The following VWA8 variants were observed in gnomAD, a reference collection of about 807,000 sequenced individuals.
VWA8 encodes von Willebrand factor A domain containing 8.
In VWA8, 221 loss-of-function variants were observed where a neutral mutation model predicts 241.5. The ratio of observed to expected loss-of-function variants is 0.91; its 90% CI spans 0.82 to 1.02. The LOEUF is 1.02. VWA8 is among the 50% of genes least tolerant of loss of function. The pLI, the probability that VWA8 is intolerant of heterozygous loss-of-function variation, is 0.00. For missense variants in VWA8, 2,322 were observed against 2,328.7 expected (o/e 1.00, Z 0.06); for synonymous variants, 852 against 827.1 (o/e 1.03, Z -0.52).
intron 42 of VWA8, among the ~76,000 whole-genome samples, chr13:41,586,591 A>G (rs966606017): frequency 2.6e-5 from 4 of 152,092 alleles, no homozygotes; most frequent in African/African-American, 9.7e-5. Flanking sequence ...AATAGGCCTA[A>G]AGTACCTGAA....
intron 4 of VWA8, among the ~76,000 whole-genome samples, chr13:41,896,399 C>A (rs561625418): frequency 6.6e-6 from 1 of 152,044 alleles, no homozygotes; most frequent in East Asian, 1.9e-4. Flanking sequence ...TCATATGTGA[C>A]TTTTTGAAAA....
At chr13:41,925,793 TGAG>T (rs960900595) in intron 2 of VWA8, 2 of 255,930 alleles carry the variant, frequency 7.8e-6, no homozygotes, top group African/African-American at 2.3e-5. Context: ...GTGTGGGTAC[TGAG>T]GAGAAGAGCC....
rs1017543122 is a variant in VWA8 at position 41,567,206 on chromosome 13, A to G, written c.*991T>C. On this transcript the variant is annotated 3_prime_UTR_variant, in exon 45 of 45. Transcript: ENST00000379310. Reference sequence around the variant, plus strand: ...CCAAGAGTGTGTGGGAATAAGGTACATTTTGAAAGAAAAGAGAATGAGGCT... The same window carrying G: ...CCAAGAGTGTGTGGGAATAAGGTACGTTTTGAAAGAAAAGAGAATGAGGCT... 1.3e-5 allele frequency: 2 copies of G among 152,186 alleles called. No individual in the cohort carries two copies. The highest frequency in any genetic ancestry group is 2.4e-5 in the African/African-American group (1 of 41,462). The allele number at this position is 152,186 out of a possible 1,614,324, so 9.4% of individuals were successfully genotyped here.
intron 2 of VWA8, among the ~76,000 whole-genome samples, chr13:41,935,940 C>A (rs1043684375): frequency 3.9e-5 from 6 of 152,056 alleles, no homozygotes; most frequent in Non-Finnish European, 7.4e-5. Context: ...ACGGCTCCTC[C>A]ACTGATAGAC....
intron 37 of VWA8, among the ~76,000 whole-genome samples, chr13:41,622,808 C>T (rs1236429061): frequency 2.6e-5 from 4 of 152,156 alleles, no homozygotes; most frequent in African/African-American, 9.7e-5. Context: ...CTTTTAAAAG[C>T]CATCAATAAA....
chr13:41,779,438 C>T lies in VWA8; in HGVS notation c.2278-1382G>A, dbSNP rs1868788926. 5.3e-5 allele frequency among the ~76,000 whole-genome samples: 8 copies of T among 151,834 alleles called. No homozygotes were observed. In the South Asian group the frequency reaches 1.7e-3, roughly 32 times the overall value. On this transcript the variant is annotated intron_variant, in intron 19 of 44. Coordinates refer to ENST00000379310, the MANE Select transcript of VWA8 (RefSeq NM_015058.2). The stretch of plus-strand genomic sequence containing the variant: ...TTTTCAAAAATGCTTTCAGATATGC[C>T]ATGGAGCTAGAGTTTTAATAAGGCT...
chr13:41,729,764 AGCTGG>A (rs2045466721), intron 22 of VWA8, 87 bp from the exon 23 acceptor site: 7 of 1,374,046 alleles, frequency 5.1e-6, no homozygotes, highest in African/African-American at 1.5e-5. Context: ...GACTTATAAC[AGCTGG>A]CTTTATTTAA....
In VWA8 at chr13:41,853,415, C is replaced by T. The variant is rs1872604015; in HGVS notation, c.1425+12321G>A. ...CAAAACGAGTCTGAAAGTATTCCCTCTTTTTCTATTTTTTTAAAAAGTTTG... is the reference window on the plus strand; with the variant it reads ...CAAAACGAGTCTGAAAGTATTCCCTTTTTTTCTATTTTTTTAAAAAGTTTG... On this transcript the variant is annotated intron_variant, in intron 12 of 44. Transcript: ENST00000379310. Among the ~76,000 whole-genome samples the T allele has an allele frequency of 8.5e-5, 13 of 152,192 alleles. No homozygotes were observed. The South Asian group carries it at 2.5e-3, about 29-fold the overall frequency.
chr13:41,595,476 T>C (rs1443022981), intron 40 of VWA8, among the ~76,000 whole-genome samples: 1 of 152,200 alleles, frequency 6.6e-6, no homozygotes, highest in Non-Finnish European at 1.5e-5. Context: ...ACAATCTTAA[T>C]CATCCACACC....
chr13:41,804,226 A>G (rs1464554955), intron 17 of VWA8, among the ~76,000 whole-genome samples: 1 of 152,220 alleles, frequency 6.6e-6, no homozygotes, highest in Admixed American at 6.5e-5. Flanking sequence ...CTCAAAAAAG[A>G]CAACCTCAAG....
chr13:41,803,690 A>G (rs999036136), intron 17 of VWA8, among the ~76,000 whole-genome samples: 1 of 152,232 alleles, frequency 6.6e-6, no homozygotes, highest in African/African-American at 2.4e-5. Flanking sequence ...CTACAATTCA[A>G]GATGAGATTT....
rs2045051815 is a variant in VWA8 at position 41,675,212 on chromosome 13, T to C, written c.4409+3A>G. ...AGCTAAGAACAAAGGTGAAATGGAT[T>C]ACCTGGGAATAGGGATATATCGGAG... On this transcript the variant is annotated splice_donor_region_variant and intron_variant, in intron 36 of 44. Coordinates refer to ENST00000379310, the MANE Select transcript of VWA8 (RefSeq NM_015058.2). 1 of 1,605,204 alleles carries C rather than the reference T, an allele frequency of 6.2e-7. No individual in the cohort carries two copies. The highest frequency in any genetic ancestry group is 8.5e-7 in the Non-Finnish European group (1 of 1,172,784).
intron 20 of VWA8, among the ~76,000 whole-genome samples, chr13:41,772,930 T>C (rs1396387352): frequency 3.3e-5 from 5 of 152,200 alleles, no homozygotes; most frequent in Non-Finnish European, 7.4e-5. Flanking sequence ...AATTTCCTCA[T>C]TGTAAAAGTT....
At position 41,590,734 on chromosome 13, in the gene VWA8, T is replaced by C. The variant is rs1341513042; in HGVS notation, c.5018A>G (p.His1673Arg). 4 of 1,614,034 alleles carry C rather than the reference T, an allele frequency of 2.5e-6. No homozygotes were observed. The highest frequency in any genetic ancestry group is 3.4e-6 in the Non-Finnish European group (4 of 1,180,026). Residue 1673 changes from histidine to arginine, a missense_variant, in exon 41 of 45, where the codon CAT (histidine) becomes CGT (arginine). Physicochemically the swap from His to Arg is conservative, Grantham distance 29. Coordinates refer to ENST00000379310, the MANE Select transcript of VWA8 (RefSeq NM_015058.2). ...ATCATCTAATTCTCCAGTAGCTTGA[T>C]GTCTTAGCCATTGTCTTTCTTTACC... ...AKGKERQWLR[H>R]QATGELDDAK...
chr13:41,829,492 A>G (rs1871322468), intron 14 of VWA8, among the ~76,000 whole-genome samples: 1 of 151,522 alleles, frequency 6.6e-6, no homozygotes. Flanking sequence ...GAACCAACCT[A>G]AGTGCCTATA....
intron 3 of VWA8, among the ~76,000 whole-genome samples, chr13:41,908,132 G>A (rs1457690129): frequency 6.6e-6 from 1 of 152,196 alleles, no homozygotes; most frequent in African/African-American, 2.4e-5. Flanking sequence ...AGTGTATACA[G>A]TATGTTAGGT....
chr13:41,644,338 A>G (rs2044816842), intron 37 of VWA8, among the ~76,000 whole-genome samples: 1 of 152,148 alleles, frequency 6.6e-6, no homozygotes, highest in African/African-American at 2.4e-5. Flanking sequence ...TCTCTAGGAT[A>G]ATTAAATATA....
intron 24 of VWA8, among the ~76,000 whole-genome samples, chr13:41,726,200 A>G (rs372301047): frequency 1.2e-4 from 19 of 152,048 alleles, no homozygotes; most frequent in African/African-American, 4.3e-4. Context: ...TATTGTGTGG[A>G]TACAAAAAAA....
intron 37 of VWA8, among the ~76,000 whole-genome samples, chr13:41,658,729 A>G (rs2044927123): frequency 6.6e-6 from 1 of 152,150 alleles, no homozygotes; most frequent in Non-Finnish European, 1.5e-5. Flanking sequence ...CATCACTCCC[A>G]TGTCCACCCT....
Sources: gnomAD v4.1 joint callset for allele counts (sites outside exome capture counted in the v4.1 genomes callset) on GRCh38, gnomAD v4.1.1 for gene constraint, MANE v1.5 for transcripts, NCBI Gene and HGNC (gene_info 2026-07-23, HGNC 2026-07-21) for gene names.